Variants in MYRIP observed in about 807,000 individuals in gnomAD.
The protein encoded by MYRIP is rab effector MyRIP.
MYRIP carries 49 observed loss-of-function variants against 98.0 expected under a neutral mutation model. The observed-to-expected ratio is 0.50, with a 90% CI of 0.40 to 0.63. The LOEUF (loss-of-function observed/expected upper bound fraction) is 0.63. Ranked by LOEUF, MYRIP falls within the 30% of genes least tolerant of loss-of-function variation. The pLI, the probability that MYRIP is intolerant of heterozygous loss-of-function variation, is 0.00. For missense variants in MYRIP, 1,004 were observed against 1,058.2 expected (o/e 0.95, Z 0.71); for synonymous variants, 404 against 409.5 (o/e 0.99, Z 0.16).
chr3:40,204,202 A>G (rs1951727008), intron 10 of MYRIP, among the ~76,000 whole-genome samples: 1 of 47,090 alleles, frequency 2.1e-5, no homozygotes, highest in South Asian at 8.4e-4. Context: ...ATATTATATT[A>G]TATATTTATA....
At chr3:39,937,708 A>G (rs527749702) in intron 2 of MYRIP, among the ~76,000 whole-genome samples, 3 of 152,370 alleles carry the variant, frequency 2.0e-5, no homozygotes, top group African/African-American at 7.2e-5. Context: ...CACTAATGAC[A>G]GGTTAACTGC....
At chr3:39,970,792 G>T (rs1575424294) in intron 2 of MYRIP, among the ~76,000 whole-genome samples, 1 of 152,150 alleles carries the variant, frequency 6.6e-6, no homozygotes. Flanking sequence ...GTCTACATGT[G>T]TAATTTCTTT....
At chr3:40,134,672 C>A (rs1185783762) in intron 3 of MYRIP, among the ~76,000 whole-genome samples, 2 of 152,200 alleles carry the variant, frequency 1.3e-5, no homozygotes, top group South Asian at 2.1e-4. Flanking sequence ...CCGGGTACTC[C>A]TCTGAGACAA....
At chr3:40,196,821 A>G (rs1356356269) in intron 10 of MYRIP, among the ~76,000 whole-genome samples, 2 of 152,080 alleles carry the variant, frequency 1.3e-5, no homozygotes, top group Non-Finnish European at 2.9e-5. Flanking sequence ...ATTGTCCTGT[A>G]GTTTTCTTAA....
intron 2 of MYRIP, among the ~76,000 whole-genome samples, chr3:39,979,089 T>C (rs940910486): frequency 3.3e-5 from 5 of 152,174 alleles, no homozygotes; most frequent in Non-Finnish European, 5.9e-5. Context: ...GCCTAAGTCC[T>C]AAAGTTTTTC....
intron 2 of MYRIP, among the ~76,000 whole-genome samples, chr3:39,964,322 T>A (rs1255566473): frequency 6.6e-6 from 1 of 152,102 alleles, no homozygotes; most frequent in African/African-American, 2.4e-5. Context: ...AGGTAAGAAG[T>A]TGCTGGCATG....
chr3:40,176,350 T>C (rs1412248114), intron 8 of MYRIP, among the ~76,000 whole-genome samples: 1 of 152,228 alleles, frequency 6.6e-6, no homozygotes, highest in Non-Finnish European at 1.5e-5. Context: ...GTGACTATGT[T>C]GGATGGTGCA....
At chr3:39,983,590 G>A (rs1945948089) in intron 2 of MYRIP, among the ~76,000 whole-genome samples, 1 of 152,102 alleles carries the variant, frequency 6.6e-6, no homozygotes, top group South Asian at 2.1e-4. Context: ...TGGATCCCAG[G>A]GGAGGGCTGG....
In MYRIP at chr3:39,887,478, T is replaced by C. The variant is rs536085535; in HGVS notation, c.-30-13309T>C. ...AAAGGCCTTTGACAAAATTCAACAA[T>C]GCTTCATGCTAAAAACTCTCAATAA... On this transcript the variant is annotated intron_variant, in intron 1 of 16. Coordinates refer to ENST00000302541, the MANE Select transcript of MYRIP (RefSeq NM_015460.4). Among the ~76,000 whole-genome samples the C allele has an allele frequency of 7.3e-3, 1,106 of 151,976 alleles. 12 individuals are homozygous for C. The highest frequency in any genetic ancestry group is 0.026 in the African/African-American group (1,066 of 41,508).
intron 1 of MYRIP, among the ~76,000 whole-genome samples, chr3:39,895,226 G>A (rs1441556472): frequency 2.0e-5 from 3 of 149,108 alleles, no homozygotes; most frequent in African/African-American, 7.4e-5. Context: ...TCACTCCGTC[G>A]CCCAGGCTGA....
chr3:39,990,231 G>T (rs999235000), intron 2 of MYRIP, among the ~76,000 whole-genome samples: 1 of 152,242 alleles, frequency 6.6e-6, no homozygotes, highest in South Asian at 2.1e-4. Flanking sequence ...TCCCTTGGCT[G>T]GGGGGAGTGG....
chr3:39,845,735 G>A (rs547055404), intron 1 of MYRIP, among the ~76,000 whole-genome samples: 2 of 151,798 alleles, frequency 1.3e-5, no homozygotes, highest in South Asian at 2.1e-4. Flanking sequence ...GGATGATAAG[G>A]GAATTGTCAC....
At chr3:39,987,126 T>C (rs1174378666) in intron 2 of MYRIP, among the ~76,000 whole-genome samples, 1 of 152,068 alleles carries the variant, frequency 6.6e-6, no homozygotes, top group African/African-American at 2.4e-5. Flanking sequence ...CTGCATGCAT[T>C]CGTTATTTGT....
intron 1 of MYRIP, among the ~76,000 whole-genome samples, chr3:39,882,912 A>G (rs910707237): frequency 1.3e-5 from 2 of 152,036 alleles, no homozygotes; most frequent in Admixed American, 6.6e-5. Flanking sequence ...GGCAGATCAG[A>G]CAATTGGGAT....
intron 1 of MYRIP, among the ~76,000 whole-genome samples, chr3:39,872,592 G>T (rs1180332876): frequency 2.0e-5 from 3 of 150,492 alleles, no homozygotes; most frequent in South Asian, 2.1e-4. Context: ...GCGGTGTTTG[G>T]TTTTTTGTCC....
intron 2 of MYRIP, among the ~76,000 whole-genome samples, chr3:39,963,563 A>G (rs973263890): frequency 4.6e-5 from 7 of 152,178 alleles, no homozygotes; most frequent in Admixed American, 1.3e-4. Context: ...ATGCAAATGC[A>G]GGGATGACCC....
At chr3:39,904,952 AC>A (rs1363806949) in intron 2 of MYRIP, among the ~76,000 whole-genome samples, 1 of 152,184 alleles carries the variant, frequency 6.6e-6, no homozygotes, top group Non-Finnish European at 1.5e-5. Context: ...GACAGGCAAT[AC>A]CAGATACTGG....
At chr3:39,984,505 C>T (rs1945982837) in intron 2 of MYRIP, among the ~76,000 whole-genome samples, 2 of 152,102 alleles carry the variant, frequency 1.3e-5, no homozygotes, top group Non-Finnish European at 2.9e-5. Context: ...CGATAGTTTA[C>T]TGACAATGAT....
intron 2 of MYRIP, among the ~76,000 whole-genome samples, chr3:39,902,913 C>G (rs1350232075): frequency 6.6e-6 from 1 of 152,200 alleles, no homozygotes; most frequent in Admixed American, 6.5e-5. Context: ...GGACAGCAGT[C>G]AGTAGCCTAC....
Sources: allele counts gnomAD v4.1 joint callset (sites outside exome capture counted in the v4.1 genomes callset), GRCh38; gene constraint gnomAD v4.1.1; transcripts MANE v1.5; gene names NCBI Gene and HGNC (gene_info 2026-07-23, HGNC 2026-07-21).